Variants in NBPF20 observed in about 807,000 individuals in gnomAD.
NBPF20 encodes the protein NBPF family member NBPF20.
In NBPF20, 90 loss-of-function variants were observed where a neutral mutation model predicts 68.1. That is an observed-to-expected ratio of 1.32 (90% confidence interval 1.11 to 1.58). The LOEUF is 1.58. NBPF20 is among the 40% of genes most tolerant of loss of function. The probability of loss-of-function intolerance (pLI) is 0.00; values close to 1 mark genes in which losing one functional copy is unlikely to be tolerated. For missense variants in NBPF20, 816 were observed against 601.2 expected, an observed-to-expected ratio of 1.36 and a Z score of -3.74; for synonymous variants, 290 against 228.1, an observed-to-expected ratio of 1.27 and a Z score of -2.45.
At chr1:145,292,601 G>A (rs868916551) in intron 136 of NBPF20, 112 bp from the exon 142 acceptor site, 25 of 748,152 alleles carry the variant, frequency 3.3e-5, no homozygotes, top group Non-Finnish European at 1.4e-5. Flanking sequence ...ATAAGAATAG[G>A]ACACTTTGAG....
chr1:145,393,636 C>T lies in NBPF20; in HGVS notation c.1043+248G>A, dbSNP rs1313643849. The T allele has an allele frequency of 4.1e-5, 39 of 943,470 alleles. 1 individual carries two copies. Among genetic ancestry groups the T allele is most frequent in the Admixed American group, 4.0e-4 (15 of 37,414 alleles). 58.4% of individuals were successfully genotyped at this position (943,470 alleles called of 1,614,324 possible). ...TTGCATAAAATGTGCTCAAGTTTCCCTGCAGTTACCATGAGAATACAGCTT... is the reference window on the plus strand; with the variant it reads ...TTGCATAAAATGTGCTCAAGTTTCCTTGCAGTTACCATGAGAATACAGCTT... On this transcript the variant is annotated intron_variant, in intron 9 of 137. Transcript: ENST00000369373.
exon 2 of NBPF20, chr1:145,405,257 C>T (rs372828529): frequency 2.1e-5 from 33 of 1,609,044 alleles, no homozygotes; most frequent in Middle Eastern, 2.2e-4. Context: ...GACCAAGGGC[C>T]GGCTGATACC....
At chr1:145,394,935 G>T (rs1662150556) in intron 8 of NBPF20, 43 bp downstream of exon 13, 2 of 1,611,600 alleles carry the variant, frequency 1.2e-6, no homozygotes, top group East Asian at 4.5e-5. Flanking sequence ...GTCTACCTGG[G>T]CCATGAACTG....
chr1:145,415,307 CT>C, the NBPF20 span, among the ~76,000 whole-genome samples: 1 of 151,832 alleles, frequency 6.6e-6, no homozygotes, highest in Non-Finnish European at 1.5e-5. Context: ...TACAATCGGG[CT>C]TTACACCGAG....
At chr1:145,421,264 A>C in the NBPF20 span, among the ~76,000 whole-genome samples, 1 of 152,322 alleles carries the variant, frequency 6.6e-6, no homozygotes, top group African/African-American at 2.4e-5. Context: ...AATCGCATCT[A>C]CTGGTCTATC....
In NBPF20 at chr1:145,405,525, A is replaced by G. The variant is rs1662738744; in HGVS notation, c.-151T>C. On this transcript the variant is annotated 5_prime_UTR_variant, in exon 1 of 138. Coordinates refer to ENST00000369373, the Ensembl canonical transcript of NBPF20. ...CACTGCCAGTAGCTCAGACTCTGAT[A>G]AGAGTGAGGTAGATTGTGGCCAGCG... 7 of 1,401,156 alleles carry G rather than the reference A, an allele frequency of 5.0e-6. No individual in the cohort carries two copies. The South Asian group carries it at 7.6e-5, about 15-fold the overall frequency. The allele number at this position is 1,401,156 out of a possible 1,614,324, so 86.8% of individuals were successfully genotyped here. A position where few individuals can be genotyped will look rare whatever the true frequency, so the allele number is the denominator to read the frequency against.
intron 1 of NBPF20, 26 bp from the exon 7 acceptor site, chr1:145,405,333 G>A: frequency 2.0e-6 from 3 of 1,492,928 alleles, no homozygotes; most frequent in African/African-American, 1.4e-5. Context: ...CCAAACATAT[G>A]ATGGGTTAAA....
chr1:145,292,488 T>A lies in NBPF20; in HGVS notation c.16590A>T (p.Glu5530Asp), dbSNP rs75137554. 1.1e-3 allele frequency: 757 copies of A among 714,310 alleles called. 17 individuals are homozygous for A. In the East Asian group the frequency reaches 0.016, roughly 15 times the overall value. 44.2% of individuals were successfully genotyped at this position (714,310 alleles called of 1,614,324 possible). A position where few individuals can be genotyped will look rare whatever the true frequency, so the allele number is the denominator to read the frequency against. ...TCTTCCCCTTCCCCTTCTTTTCAAT[T>A]TCTGCAATAAATTCAGACATGGACA... The change falls in exon 137 of 138, where the codon GAA becomes GAT. Residue 5530 changes from glutamate to aspartate, a missense_variant and splice_region_variant. Transcript: ENST00000369373.
chr1:145,402,865 A>G (rs1338025087), intron 3 of NBPF20, among the ~76,000 whole-genome samples: 1 of 151,196 alleles, frequency 6.6e-6, no homozygotes, highest in Non-Finnish European at 1.5e-5. Flanking sequence ...GCAGTCAGTC[A>G]GGAGGTGATT....
exon 6 of NBPF20, chr1:145,400,532 G>C (rs1662471802): frequency 1.9e-6 from 3 of 1,612,874 alleles, no homozygotes; most frequent in South Asian, 1.1e-5. Flanking sequence ...ATTTGAATAA[G>C]TGATGGCACA....
In NBPF20 at chr1:145,291,730, G is replaced by C. The variant is rs375802418; in HGVS notation, c.16737C>G (p.Val5579=). 11 of 1,611,838 alleles carry C rather than the reference G, an allele frequency of 6.8e-6. 1 individual carries two copies. Among genetic ancestry groups the C allele is most frequent in the South Asian group, 3.3e-5 (3 of 90,988 alleles). Residue 5579 remains valine, a synonymous_variant, in exon 138 of 138, where the codon GTC becomes GTG. Transcript: ENST00000369373. ...AACATCCATCCAGTGAGTCCTGTAA[G>C]ACTTCAGGCTCTTCCACTTCCATCA...
intron 5 of NBPF20, 121 bp from the exon 11 acceptor site, chr1:145,400,715 G>C (rs1254560939): frequency 3.0e-5 from 44 of 1,462,154 alleles, no homozygotes; most frequent in Middle Eastern, 2.4e-4. Flanking sequence ...GCAAAATGGA[G>C]GTTCCCATTA....
At position 145,393,672 on chromosome 1, in the gene NBPF20, G is replaced by A. The variant is rs1293816162; in HGVS notation, c.1043+212C>T. 67 of 1,359,574 alleles carry A rather than the reference G, an allele frequency of 4.9e-5. No homozygotes were observed. In the East Asian group the frequency reaches 1.4e-3, roughly 29 times the overall value. The allele number at this position is 1,359,574 out of a possible 1,614,324, so 84.2% of individuals were successfully genotyped here. A position where few individuals can be genotyped will look rare whatever the true frequency, so the allele number is the denominator to read the frequency against. On this transcript the variant is annotated intron_variant, in intron 9 of 137. Transcript: ENST00000369373. ...ATGAGAATACAGCTTTTGAGTTATG[G>A]TCAACTTTCACTAGGTTAGTAAATG...
intron 9 of NBPF20, 69 bp from the exon 15 acceptor site, chr1:145,393,315 T>C (rs1436190354): frequency 1.5e-6 from 1 of 680,442 alleles, no homozygotes; most frequent in East Asian, 2.7e-5. Flanking sequence ...CAGCTAGATT[T>C]CATGGCTAAC....
At chr1:145,419,478 T>G in the NBPF20 span, among the ~76,000 whole-genome samples, 2 of 152,206 alleles carry the variant, frequency 1.3e-5, no homozygotes, top group African/African-American at 4.8e-5. Context: ...GGATAAGTTC[T>G]GGTGCCCAAA....
the NBPF20 span, among the ~76,000 whole-genome samples, chr1:145,421,703 G>A: frequency 1.3e-5 from 2 of 152,146 alleles, no homozygotes; most frequent in Non-Finnish European, 1.5e-5. Context: ...ATAGCTGTAA[G>A]AGATTTTAGC....
chr1:145,402,207 C>T lies in NBPF20; in HGVS notation c.453G>A (p.Gly151=). ...GGACAAGGTGCTGTGCCAGTCTACA[C>T]CCCTCAGCCAGCTGTTCTTGGAGGT... The change falls in exon 4 of 138, where the codon GGG becomes GGA. Residue 151 remains glycine, a synonymous_variant. Transcript: ENST00000369373. 6 of 1,590,054 alleles carry T rather than the reference C, an allele frequency of 3.8e-6. No homozygotes were observed. In the South Asian group the frequency reaches 6.6e-5, roughly 18 times the overall value.
chr1:145,403,261 T>G, exon 3 of NBPF20: 1 of 1,612,312 alleles, frequency 6.2e-7, no homozygotes, highest in Non-Finnish European at 8.5e-7. Context: ...CTTCTCCTCC[T>G]TGAACTGTCG....
chr1:145,406,108 T>G (rs1260253768), upstream of NBPF20, among the ~76,000 whole-genome samples: 18 of 144,086 alleles, frequency 1.2e-4, no homozygotes, highest in Admixed American at 1.0e-3. Context: ...TTTTTTTTTT[T>G]GTATTTTTAG....
Sources: allele counts gnomAD v4.1 joint callset (sites outside exome capture counted in the v4.1 genomes callset), GRCh38; gene constraint gnomAD v4.1.1; transcripts MANE v1.5; gene names NCBI Gene and HGNC (gene_info 2026-07-23, HGNC 2026-07-21).